Variants in PLD2 observed in about 807,000 individuals in gnomAD.
The protein encoded by PLD2 is phospholipase D2.
A neutral mutation model predicts 119.8 loss-of-function variants in PLD2; 101 were observed. The ratio of observed to expected loss-of-function variants is 0.84; its 90% CI spans 0.72 to 0.99. The LOEUF (loss-of-function observed/expected upper bound fraction) is 0.99. Among genes scored for constraint, PLD2 ranks in the 50% least tolerant of loss-of-function variants. The pLI is 0.00. For missense variants in PLD2, 1,164 were observed against 1,226.8 expected (o/e 0.95, Z 0.76); for synonymous variants, 494 against 482.8 (o/e 1.02, Z -0.30).
chr17:4,817,006 C>T lies in PLD2; in HGVS notation c.1652C>T (p.Pro551Leu), dbSNP rs372741803. Residue 551 changes from proline (P) to leucine (L), a missense_variant, in exon 16 of 25, where the codon CCG (proline) becomes CTG (leucine). By Grantham distance (98) the Pro-to-Leu change is moderately conservative. Transcript: ENST00000263088. ...RDVGVVVHGL[P>L]ARDLARHFIQ... ...GTTGGGGTGGTCGTCCATGGCCTACCGGCCCGGGACCTTGCCCGGCACTTC... is the reference window on the plus strand; with the variant it reads ...GTTGGGGTGGTCGTCCATGGCCTACTGGCCCGGGACCTTGCCCGGCACTTC... 46 of 1,613,866 alleles carry T rather than the reference C, an allele frequency of 2.9e-5. No individual in the cohort carries two copies. Among genetic ancestry groups the T allele is most frequent in the Non-Finnish European group, 3.6e-5 (42 of 1,179,912 alleles).
rs1488503228 is a variant in PLD2 at position 4,819,461 on chromosome 17, G to A, written c.2341G>A (p.Gly781Arg). The A allele has an allele frequency of 1.9e-6, 3 of 1,613,954 alleles. No individual in the cohort carries two copies. Among genetic ancestry groups the A allele is most frequent in the Admixed American group, 3.3e-5 (2 of 59,980 alleles). ...SANINDRSLLGKRDSELAVLI... is the reference protein window; with the variant it reads ...SANINDRSLLRKRDSELAVLI... ...AAACATCAATGACCGGAGCTTGCTG[G>A]GGAAGCGGGACAGTGAGCTGGCCGT... The change falls in exon 23 of 25, where the codon GGG (glycine) becomes AGG (arginine). Residue 781 changes from glycine (G) to arginine (R), a missense_variant. By Grantham distance (125) the Gly-to-Arg change is moderately radical. Transcript: ENST00000263088. The surrounding 1 kb of genome is among the most constrained non-coding windows in gnomAD (Gnocchi z 4.2).
chr17:4,818,931 T>G, intron 21 of PLD2, 108 bp downstream of exon 21: 3 of 1,480,576 alleles, frequency 2.0e-6, no homozygotes, highest in Non-Finnish European at 2.8e-6. Flanking sequence ...TGTGAGCCTC[T>G]GACGCTACGC....
intron 10 of PLD2, among the ~76,000 whole-genome samples, chr17:4,812,295 GT>G (rs560349965): frequency 1.1e-3 from 128 of 118,572 alleles, no homozygotes; most frequent in Admixed American, 2.7e-3. Context: ...TTTTGTTTTG[GT>G]TTTTTTTTTT....
At position 4,815,774 on chromosome 17, in the gene PLD2, A is replaced by T; in HGVS notation, c.1295A>T (p.His432Leu). ...CCATGCCTGCTCCAGGTGATGCGTC[A>T]CCCAGACCAAGTGACGTTGTGGGCC... is the stretch of plus-strand genomic sequence containing the variant. ...LLHPNIKVMR[H>L]PDQVTLWAHH... The change falls in exon 14 of 25, where the codon CAC becomes CTC. Residue 432 changes from histidine (H) to leucine (L), a missense_variant. His to Leu is a moderately conservative substitution (Grantham distance 99, BLOSUM62 -3). Coordinates refer to ENST00000263088, the MANE Select transcript of PLD2 (RefSeq NM_002663.5). 6.2e-7 allele frequency: 1 copy of T among 1,613,824 alleles called. No homozygotes were observed. The highest frequency in any genetic ancestry group is 8.5e-7 in the Non-Finnish European group (1 of 1,179,934).
In PLD2 at chr17:4,807,728, T is replaced by C; in HGVS notation, c.-1-44T>C. On this transcript the variant is annotated intron_variant, in intron 1 of 24. Transcript: ENST00000263088. The surrounding 1 kb of genome is among the most constrained non-coding windows in gnomAD (Gnocchi z 5.4). Reference sequence around the variant, plus strand: ...GCGGGAGTTAGGATGGGGGGCGGGTTCTGCAGGACAGCTCGCCTCCCTGAG... The same window carrying C: ...GCGGGAGTTAGGATGGGGGGCGGGTCCTGCAGGACAGCTCGCCTCCCTGAG... 9.1e-7 allele frequency: 1 copy of C among 1,094,154 alleles called. No individual in the cohort carries two copies. Among genetic ancestry groups the C allele is most frequent in the South Asian group, 1.3e-5 (1 of 78,980 alleles). The allele number at this position is 1,094,154 out of a possible 1,614,324, so 67.8% of individuals were successfully genotyped here.
At chr17:4,816,911 C>G in intron 15 of PLD2, 26 bp from the exon 16 acceptor site, 1 of 1,597,548 alleles carries the variant, frequency 6.3e-7, no homozygotes. Flanking sequence ...CCTGACATCT[C>G]CCCTGACTCT....
At position 4,822,661 on chromosome 17, in the gene PLD2, A is replaced by C; in HGVS notation, c.2599A>C (p.Asn867His). ...ACAGATCTTCCGCTGCCTGCCATCC[A>C]ATGCCACGCGTTCCCTGCGGACTCT... ...YEQIFRCLPS[N>H]ATRSLRTLRE... Residue 867 changes from asparagine to histidine, a missense_variant, in exon 25 of 25, where the codon AAT becomes CAT. Physicochemically the swap from Asn to His is moderately conservative, Grantham distance 68. Transcript: ENST00000263088. 1 of 1,610,162 alleles carries C rather than the reference A, an allele frequency of 6.2e-7. No homozygotes were observed. Among genetic ancestry groups the C allele is most frequent in the Non-Finnish European group, 8.5e-7 (1 of 1,177,150 alleles).
Position 4,808,440 on chromosome 17 carries a change from T to C in PLD2, c.383+24T>C, listed in dbSNP as rs1477611262. ...CGGTGAGGGCGACCGGACTGCTTCCTGTAGAGGGCAGGTGCTCCCCACCCT... is the reference window on the plus strand; with the variant it reads ...CGGTGAGGGCGACCGGACTGCTTCCCGTAGAGGGCAGGTGCTCCCCACCCT... On this transcript the variant is annotated intron_variant, in intron 4 of 24. Transcript: ENST00000263088. This position sits in a 1 kb window ranked among gnomAD's most constrained non-coding sequence, Gnocchi z 4.1. 6.2e-7 allele frequency: 1 copy of C among 1,609,134 alleles called. No individual in the cohort carries two copies. Among genetic ancestry groups the C allele is most frequent in the Non-Finnish European group, 8.5e-7 (1 of 1,177,032 alleles).
chr17:4,809,064 C>T, intron 4 of PLD2, 36 bp from the exon 5 acceptor site: 1 of 1,523,842 alleles, frequency 6.6e-7, no homozygotes, highest in Non-Finnish European at 9.1e-7. Context: ...CCCAGCCTCC[C>T]AGCTCTTACC....
At chr17:4,811,990 AT>A (rs1050259747) in intron 10 of PLD2, among the ~76,000 whole-genome samples, 1 of 144,796 alleles carries the variant, frequency 6.9e-6, no homozygotes, top group South Asian at 2.2e-4. Flanking sequence ...AATTAAAAAC[AT>A]TTTTTTTTAC....
At chr17:4,822,475 A>G (rs1001031469) in intron 24 of PLD2, among the ~76,000 whole-genome samples, 165 bp from the exon 25 acceptor site, 62 of 148,772 alleles carry the variant, frequency 4.2e-4, no homozygotes, top group African/African-American at 1.5e-3. Flanking sequence ...CTGGGCAAAA[A>G]GAGTGAAACT....
rs1423450812 is a variant in PLD2, at chr17:4,822,897, G to T, written c.*33G>T. On this transcript the variant is annotated 3_prime_UTR_variant, in exon 25 of 25. Coordinates refer to ENST00000263088, the MANE Select transcript of PLD2 (RefSeq NM_002663.5). ...CCCCGTCAGGGAGAGGTCACCAGCT[G>T]CTGTGCCCCACCACGTCTGGCTCCC... The T allele has an allele frequency of 8.0e-7, 1 of 1,247,352 alleles. No individual in the cohort carries two copies. The highest frequency in any genetic ancestry group is 1.5e-5 in the African/African-American group (1 of 68,182). 77.3% of individuals were successfully genotyped at this position (1,247,352 alleles called of 1,614,324 possible). A position where few individuals can be genotyped will look rare whatever the true frequency, so the allele number is the denominator to read the frequency against.
chr17:4,822,619 C>G, intron 24 of PLD2, 21 bp from the exon 25 acceptor site: 1 of 1,556,098 alleles, frequency 6.4e-7, no homozygotes. Context: ...GCCTTACTGG[C>G]GTCCATGCCC....
At position 4,817,020 on chromosome 17, in the gene PLD2, G is replaced by C; in HGVS notation, c.1666G>C (p.Ala556Pro). The C allele has an allele frequency of 6.2e-7, 1 of 1,613,904 alleles. No homozygotes were observed. Among genetic ancestry groups the C allele is most frequent in the South Asian group, 1.1e-5 (1 of 91,074 alleles). Residue 556 changes from alanine (A) to proline (P), a missense_variant, in exon 16 of 25, where the codon GCC becomes CCC. Coordinates refer to ENST00000263088, the MANE Select transcript of PLD2 (RefSeq NM_002663.5). ...CCATGGCCTACCGGCCCGGGACCTTGCCCGGCACTTCATCCAGCGCTGGAA... is the reference window on the plus strand; with the variant it reads ...CCATGGCCTACCGGCCCGGGACCTTCCCCGGCACTTCATCCAGCGCTGGAA... ...VVHGLPARDL[A>P]RHFIQRWNFT...
At chr17:4,817,119 G>A in intron 16 of PLD2, 27 bp from the exon 17 acceptor site, 1 of 1,600,296 alleles carries the variant, frequency 6.2e-7, no homozygotes. Flanking sequence ...GGCACCTCCT[G>A]CTGACTCTGC....
Position 4,808,489 on chromosome 17 carries a change from G to A in PLD2, c.383+73G>A, listed in dbSNP as rs1358000677. The A allele has an allele frequency of 4.1e-6, 6 of 1,479,966 alleles. No individual in the cohort carries two copies. Among genetic ancestry groups the A allele is most frequent in the South Asian group, 1.2e-5 (1 of 82,578 alleles). 91.7% of individuals were successfully genotyped at this position (1,479,966 alleles called of 1,614,324 possible). ...CTCCTTTCTGTCTGTCTCACCCCGG[G>A]GCCACAACCTTTCCTCCCTGCAACT... On this transcript the variant is annotated intron_variant, in intron 4 of 24. Transcript: ENST00000263088. This position sits in a 1 kb window ranked among gnomAD's most constrained non-coding sequence, Gnocchi z 4.1.
rs1014962114 is a variant in PLD2, at chr17:4,814,574, G to A, written c.1095-59G>A. The A allele has an allele frequency of 5.2e-5, 84 of 1,612,926 alleles. No individual in the cohort carries two copies. The Admixed American group carries it at 1.4e-3, about 26-fold the overall frequency. Reference sequence around the variant, plus strand: ...GCAGATCAGCATTAGGAGGAGAAGGGGGGTGCAGCTGGTGGTCTGGGGCTT... The same window carrying A: ...GCAGATCAGCATTAGGAGGAGAAGGAGGGTGCAGCTGGTGGTCTGGGGCTT... On this transcript the variant is annotated intron_variant, in intron 11 of 24. Coordinates refer to ENST00000263088, the MANE Select transcript of PLD2 (RefSeq NM_002663.5).
intron 17 of PLD2, 52 bp from the exon 18 acceptor site, chr17:4,817,950 T>A (rs1414041189): frequency 2.1e-5 from 27 of 1,315,660 alleles, no homozygotes; most frequent in Non-Finnish European, 2.9e-5. Context: ...AGAGCGAGAC[T>A]CTGTCTTAAA....
Position 4,810,924 on chromosome 17 carries a change from C to T in PLD2, c.983C>T (p.Pro328Leu). 1 of 1,612,808 alleles carries T rather than the reference C, an allele frequency of 6.2e-7. No homozygotes were observed. Among genetic ancestry groups the T allele is most frequent in the Non-Finnish European group, 8.5e-7 (1 of 1,179,808 alleles). The part of the protein sequence containing the change: ...LQLHRHDSYA[P>L]PRPGTLARWF... ...CTGCACCGGCATGACAGCTACGCCCCACCCCGGCCTGGGACCTTGGCCCGG... is the reference window on the plus strand; with the variant it reads ...CTGCACCGGCATGACAGCTACGCCCTACCCCGGCCTGGGACCTTGGCCCGG... The change falls in exon 10 of 25, where the codon CCA (proline) becomes CTA (leucine). Residue 328 changes from proline to leucine, a missense_variant. Transcript: ENST00000263088.
Sources: gnomAD v4.1 joint callset for allele counts (sites outside exome capture counted in the v4.1 genomes callset) on GRCh38, gnomAD v4.1.1 for gene constraint, Gnocchi (gnomAD v3.1) non-coding constraint, MANE v1.5 for transcripts, NCBI Gene and HGNC (gene_info 2026-07-23, HGNC 2026-07-21) for gene names.